PAX5: variants seen among roughly 807,000 people sequenced by gnomAD.
PAX5 encodes the protein paired box protein Pax-5.
PAX5 carries 9 observed loss-of-function variants against 43.7 expected under a neutral mutation model. The observed-to-expected ratio is 0.21, with a 90% CI of 0.12 to 0.36. The LOEUF (loss-of-function observed/expected upper bound fraction) is 0.36, where lower values mean the gene tolerates loss of function less well. PAX5 is among the 10% of genes least tolerant of loss of function. The pLI, the probability that PAX5 is intolerant of heterozygous loss-of-function variation, is 1.00. For missense variants in PAX5, 383 were observed against 532.7 expected, an observed-to-expected ratio of 0.72 and a Z score of 2.77; for synonymous variants, 228 against 214.3, an observed-to-expected ratio of 1.06 and a Z score of -0.56.
intron 1 of PAX5, among the ~76,000 whole-genome samples, chr9:37,027,710 C>T (rs1037149570): frequency 2.0e-5 from 3 of 152,250 alleles, no homozygotes; most frequent in East Asian, 1.9e-4. Context: ...TGGACAGCGC[C>T]GCCCGGGGCT....
In PAX5 at chr9:36,834,708, G is replaced by A. The variant is rs907054662; in HGVS notation, c.*5852C>T. ...TTCTGTTCCACTCCAAGGGAAATGC[G>A]CCGTTTGTAAATCAAAAATCCATCA... On this transcript the variant is annotated 3_prime_UTR_variant, in exon 10 of 10. Coordinates refer to ENST00000358127, the MANE Select transcript of PAX5 (RefSeq NM_016734.3). 10 of 233,062 alleles carry A rather than the reference G, an allele frequency of 4.3e-5. 1 individual carries two copies. Among genetic ancestry groups the A allele is most frequent in the Non-Finnish European group, 2.5e-5 (3 of 118,042 alleles). The allele number at this position is 233,062 out of a possible 1,614,324, so 14.4% of individuals were successfully genotyped here. A position where few individuals can be genotyped will look rare whatever the true frequency, so the allele number is the denominator to read the frequency against.
chr9:36,978,257 C>T (rs946063997), intron 5 of PAX5, among the ~76,000 whole-genome samples: 9 of 152,212 alleles, frequency 5.9e-5, no homozygotes, highest in African/African-American at 1.4e-4. Context: ...ATTACTCCAC[C>T]TTACAGAGGG....
intron 1 of PAX5, among the ~76,000 whole-genome samples, chr9:37,026,971 G>C (rs770505471): frequency 6.6e-6 from 1 of 152,200 alleles, no homozygotes; most frequent in Admixed American, 6.5e-5. Context: ...TGAGGAGGCC[G>C]CCGGAACAAT....
At chr9:36,957,304 C>A (rs111522571) in intron 6 of PAX5, among the ~76,000 whole-genome samples, 1,693 of 152,286 alleles carry the variant, frequency 0.011, 26 homozygotes, top group African/African-American at 0.039. Flanking sequence ...AAATAACGTG[C>A]CAGAAGCTTC....
chr9:37,030,028 T>C (rs1037883656), intron 1 of PAX5, among the ~76,000 whole-genome samples: 2 of 152,314 alleles, frequency 1.3e-5, no homozygotes, highest in East Asian at 3.9e-4. Flanking sequence ...ACGCAGGTTT[T>C]CCTTCGGATA....
At chr9:36,950,888 A>C (rs549688078) in intron 6 of PAX5, among the ~76,000 whole-genome samples, 12 of 151,930 alleles carry the variant, frequency 7.9e-5, no homozygotes, top group South Asian at 2.1e-4. Flanking sequence ...TTACAGGCAC[A>C]CACCACCACG....
chr9:36,903,211 A>C (rs1828548342), intron 7 of PAX5, among the ~76,000 whole-genome samples: 1 of 152,194 alleles, frequency 6.6e-6, no homozygotes, highest in Non-Finnish European at 1.5e-5. Context: ...TCCCAGACCA[A>C]GGAAGGAGGA....
At chr9:36,843,202 C>G (rs1770811689) in intron 9 of PAX5, among the ~76,000 whole-genome samples, 1 of 152,040 alleles carries the variant, frequency 6.6e-6, no homozygotes. Flanking sequence ...ACAGGAGCAC[C>G]AAGGGACCTC....
At chr9:36,983,030 G>A (rs1304521685) in intron 5 of PAX5, among the ~76,000 whole-genome samples, 3 of 152,040 alleles carry the variant, frequency 2.0e-5, no homozygotes, top group Non-Finnish European at 2.9e-5. Context: ...AGTTCAGCAC[G>A]GTAAATAATT....
rs59745018 is a variant in PAX5, at chr9:37,015,809, A to T, written c.213-615T>A. On this transcript the variant is annotated intron_variant, in intron 2 of 9. Coordinates refer to ENST00000358127, the MANE Select transcript of PAX5 (RefSeq NM_016734.3). This position sits in a 1 kb window ranked among gnomAD's most constrained non-coding sequence, Gnocchi z 4.4. ...TAGTCAGGCTGGTCTCGAACTCCCG[A>T]CCTCAGGTTATCCGCCTGCCTCGGC... Among the ~76,000 whole-genome samples the T allele has an allele frequency of 0.3, 45,607 of 151,730 alleles. 8,130 individuals are homozygous for T. Among genetic ancestry groups the T allele is most frequent in the Admixed American group, 0.41 (6,189 of 15,250 alleles).
chr9:36,926,954 G>A (rs1019339662), intron 6 of PAX5, among the ~76,000 whole-genome samples: 2 of 152,166 alleles, frequency 1.3e-5, no homozygotes, highest in African/African-American at 4.8e-5. Context: ...TCTTGGTGCA[G>A]GCTGTATTTA....
intron 5 of PAX5, among the ~76,000 whole-genome samples, chr9:36,980,227 C>T (rs1023244998): frequency 6.6e-6 from 1 of 152,234 alleles, no homozygotes; most frequent in Non-Finnish European, 1.5e-5. Context: ...AAGGCTGAGC[C>T]CAGCATGAGA....
At chr9:37,006,023 G>A (rs1241608171) in intron 4 of PAX5, among the ~76,000 whole-genome samples, 1 of 152,108 alleles carries the variant, frequency 6.6e-6, no homozygotes, top group Non-Finnish European at 1.5e-5. Flanking sequence ...AGTAAGTTTG[G>A]GAACTTTTGC....
intron 5 of PAX5, among the ~76,000 whole-genome samples, chr9:36,978,140 T>G (rs1835611227): frequency 6.6e-6 from 1 of 152,226 alleles, no homozygotes; most frequent in African/African-American, 2.4e-5. Context: ...CAAGATGACC[T>G]GAAACAAGAG....
intron 8 of PAX5, among the ~76,000 whole-genome samples, chr9:36,849,574 C>T (rs1034088772): frequency 1.3e-5 from 2 of 152,246 alleles, no homozygotes; most frequent in African/African-American, 4.8e-5. Context: ...CCAGAGCAGA[C>T]TCTCTAACTC....
chr9:36,863,003 T>C (rs1394844213), intron 8 of PAX5, among the ~76,000 whole-genome samples: 5 of 152,164 alleles, frequency 3.3e-5, no homozygotes, highest in African/African-American at 1.2e-4. Context: ...GGGACTGAGG[T>C]CCAGCCTGCT....
At chr9:36,975,759 T>C (rs935413709) in intron 5 of PAX5, among the ~76,000 whole-genome samples, 1 of 152,212 alleles carries the variant, frequency 6.6e-6, no homozygotes, top group African/African-American at 2.4e-5. Flanking sequence ...TATCTGGAGT[T>C]GACAAAATAA....
At chr9:36,925,627 C>T (rs1830586021) in intron 6 of PAX5, among the ~76,000 whole-genome samples, 1 of 152,156 alleles carries the variant, frequency 6.6e-6, no homozygotes, top group Non-Finnish European at 1.5e-5. Flanking sequence ...GAAATTGGAT[C>T]TTCACACCAG....
At chr9:36,870,928 G>A (rs145010196) in intron 8 of PAX5, among the ~76,000 whole-genome samples, 13 of 152,366 alleles carry the variant, frequency 8.5e-5, no homozygotes, top group Non-Finnish European at 1.9e-4. Flanking sequence ...CCTGCATAGG[G>A]TGCCCTCAGG....
Sources: allele counts gnomAD v4.1 joint callset (sites outside exome capture counted in the v4.1 genomes callset), GRCh38; gene constraint gnomAD v4.1.1; non-coding constraint Gnocchi (gnomAD v3.1); transcripts MANE v1.5; gene names NCBI Gene and HGNC (gene_info 2026-07-23, HGNC 2026-07-21).